The following DYNC2H1 variants were observed in gnomAD, a reference collection of about 807,000 sequenced individuals.
DYNC2H1 encodes cytoplasmic dynein 2 heavy chain 1.
A neutral mutation model predicts 570.0 loss-of-function variants in DYNC2H1; 410 were observed. The observed-to-expected ratio is 0.72, with a 90% CI of 0.66 to 0.78. The LOEUF (loss-of-function observed/expected upper bound fraction) is 0.78. Ranked by LOEUF, DYNC2H1 falls within the 30% of genes least tolerant of loss-of-function variation. The pLI is 0.00. For synonymous variants in DYNC2H1, 1,688 were observed against 1,677.6 expected (o/e 1.01, Z -0.15); for missense variants, 4,865 against 5,046.4 (o/e 0.96, Z 1.09).
chr11:103,280,756 C>T lies in DYNC2H1; in HGVS notation c.10761+343C>T, dbSNP rs1866098775. 6.6e-6 allele frequency among the ~76,000 whole-genome samples: 1 copy of T among 152,096 alleles called. No homozygotes were observed. ...TAGAAAAAGTGAGACAATATTGGTA[C>T]AAAACTACATTATTTATTGCTTCCA... On this transcript the variant is annotated intron_variant, in intron 71 of 88. Transcript: ENST00000375735. The surrounding 1 kb of genome is among the most constrained non-coding windows in gnomAD (Gnocchi z 4.7).
At chr11:103,459,996 A>G (rs1362881521) in intron 87 of DYNC2H1, among the ~76,000 whole-genome samples, 1 of 147,378 alleles carries the variant, frequency 6.8e-6, no homozygotes, top group Non-Finnish European at 1.5e-5. Context: ...TGAAGGACTT[A>G]GAAAAGTTTT....
chr11:103,340,140 C>T (rs1225842090), intron 82 of DYNC2H1, among the ~76,000 whole-genome samples: 1 of 152,072 alleles, frequency 6.6e-6, no homozygotes, highest in African/African-American at 2.4e-5. Flanking sequence ...TGATTGCACA[C>T]CTGATTTTTT....
intron 83 of DYNC2H1, among the ~76,000 whole-genome samples, chr11:103,374,110 A>T (rs2135561438): frequency 6.6e-6 from 1 of 152,146 alleles, no homozygotes; most frequent in Admixed American, 6.5e-5. Context: ...TTGTTTATCG[A>T]TTCAGCCACA....
intron 12 of DYNC2H1, among the ~76,000 whole-genome samples, chr11:103,127,169 A>G (rs1859045664): frequency 6.6e-6 from 1 of 152,202 alleles, no homozygotes; most frequent in African/African-American, 2.4e-5. Flanking sequence ...TTGGGTGATC[A>G]TTTCAGTCAG....
At chr11:103,116,129 C>CT (rs148809525) in intron 4 of DYNC2H1, among the ~76,000 whole-genome samples, 5,323 of 151,978 alleles carry the variant, frequency 0.035, 323 homozygotes, top group African/African-American at 0.12. Context: ...TGGTTTTAAG[C>CT]TTTTTTTGGT....
At chr11:103,178,803 T>A (rs1370796338) in intron 38 of DYNC2H1, among the ~76,000 whole-genome samples, 1 of 151,786 alleles carries the variant, frequency 6.6e-6, no homozygotes, top group Non-Finnish European at 1.5e-5. Context: ...AAGCCTTGCA[T>A]TTTTTTTAGT....
Position 103,129,915 on chromosome 11 carries a change from T to G in DYNC2H1, c.1953+910T>G, listed in dbSNP as rs1035938493. Among the ~76,000 whole-genome samples, 1 of 152,320 alleles carries G rather than the reference T, an allele frequency of 6.6e-6. No homozygotes were observed. The highest frequency in any genetic ancestry group is 3.4e-3 in the Middle Eastern group (1 of 294). ...CAGGACCACCCCAGATTCTTTGATT[T>G]GCTCAGAGGATCCACAGTACTCAGT... On this transcript the variant is annotated intron_variant, in intron 13 of 88. Coordinates refer to ENST00000375735, the MANE Select transcript of DYNC2H1 (RefSeq NM_001377.3). This position sits in a 1 kb window ranked among gnomAD's most constrained non-coding sequence, Gnocchi z 4.1.
At chr11:103,441,970 C>T (rs150677107) in intron 85 of DYNC2H1, among the ~76,000 whole-genome samples, 109 of 152,116 alleles carry the variant, frequency 7.2e-4, no homozygotes, top group African/African-American at 2.3e-3. Flanking sequence ...GTCCTTGGTA[C>T]GGTGTTTCAC....
intron 83 of DYNC2H1, among the ~76,000 whole-genome samples, chr11:103,397,267 C>T (rs1258124892): frequency 6.6e-6 from 1 of 151,884 alleles, no homozygotes; most frequent in Non-Finnish European, 1.5e-5. Context: ...ATGTCAAAAG[C>T]AATCCTTCAA....
chr11:103,407,743 T>C (rs1290020832), intron 84 of DYNC2H1: 1 of 151,946 alleles, frequency 6.6e-6, no homozygotes, highest in Non-Finnish European at 1.5e-5. Context: ...ACCTGCAGCA[T>C]ATTTGATGTT....
intron 84 of DYNC2H1, among the ~76,000 whole-genome samples, chr11:103,422,628 A>ATTATGC (rs1943527182): frequency 6.6e-6 from 1 of 152,218 alleles, no homozygotes; most frequent in Non-Finnish European, 1.5e-5. Flanking sequence ...GGCCTTCTGT[A>ATTATGC]AAATTCAGCA....
chr11:103,451,354 G>A (rs748882191), intron 85 of DYNC2H1, among the ~76,000 whole-genome samples: 68 of 67,530 alleles, frequency 1.0e-3, no homozygotes, highest in Admixed American at 2.1e-3. Context: ...TTTTTTTTGA[G>A]ATGGAGTCTT....
chr11:103,206,835 CAATG>C (rs890477704), intron 52 of DYNC2H1, among the ~76,000 whole-genome samples: 2 of 151,908 alleles, frequency 1.3e-5, no homozygotes, highest in Non-Finnish European at 2.9e-5. Flanking sequence ...AGATTGGAGA[CAATG>C]AATGTGGGTA....
intron 78 of DYNC2H1, among the ~76,000 whole-genome samples, chr11:103,310,991 C>A (rs1374959639): frequency 6.6e-6 from 1 of 152,006 alleles, no homozygotes; most frequent in African/African-American, 2.4e-5. Context: ...CGTGAGCCAC[C>A]ATACCCAGCC....
intron 26 of DYNC2H1, 122 bp from the exon 27 acceptor site, chr11:103,158,555 A>G: frequency 1.4e-6 from 1 of 696,776 alleles, no homozygotes; most frequent in Non-Finnish European, 2.4e-6. Context: ...CTAGAGGTGT[A>G]ATACTGTTAT....
At chr11:103,230,564 A>T (rs1340118006) in intron 59 of DYNC2H1, among the ~76,000 whole-genome samples, 2 of 151,968 alleles carry the variant, frequency 1.3e-5, no homozygotes, top group East Asian at 3.9e-4. Context: ...CTGAGGTCCA[A>T]CTCTTTGTAA....
intron 75 of DYNC2H1, among the ~76,000 whole-genome samples, chr11:103,301,220 A>G (rs913880439): frequency 1.3e-5 from 2 of 151,798 alleles, no homozygotes; most frequent in African/African-American, 4.8e-5. Flanking sequence ...AATTACTCAG[A>G]CTCCTGTTAG....
At chr11:103,389,787 T>G (rs532028402) in intron 83 of DYNC2H1, among the ~76,000 whole-genome samples, 1 of 152,232 alleles carries the variant, frequency 6.6e-6, no homozygotes, top group African/African-American at 2.4e-5. Context: ...GTTGTTCAGT[T>G]TCCATGTAAT....
chr11:103,247,216 T>C (rs1419119439), intron 65 of DYNC2H1, among the ~76,000 whole-genome samples: 1 of 152,064 alleles, frequency 6.6e-6, no homozygotes, highest in Admixed American at 6.6e-5. Context: ...TAATCCTTTA[T>C]GGTTGTTTTA....
Sources: allele counts gnomAD v4.1 joint callset (sites outside exome capture counted in the v4.1 genomes callset), GRCh38; gene constraint gnomAD v4.1.1; non-coding constraint Gnocchi (gnomAD v3.1); transcripts MANE v1.5; gene names NCBI Gene and HGNC (gene_info 2026-07-23, HGNC 2026-07-21).